RPSA2: variants seen among roughly 807,000 people sequenced by gnomAD.
RPSA2 encodes ribosomal protein SA 2, also known as small ribosomal subunit protein uS2B.
the RPSA2 span, among the ~76,000 whole-genome samples, chr19:23,858,985 A>G: frequency 6.6e-6 from 1 of 152,184 alleles, no homozygotes; most frequent in African/African-American, 2.4e-5. Context: ...ACTCTTTTTC[A>G]GGAGATTCAG....
the RPSA2 span, among the ~76,000 whole-genome samples, chr19:23,816,294 A>G: frequency 6.6e-6 from 1 of 152,050 alleles, no homozygotes; most frequent in Non-Finnish European, 1.5e-5. Flanking sequence ...CATCACGCCT[A>G]GCCAGTTTTT....
the RPSA2 span, among the ~76,000 whole-genome samples, chr19:23,837,668 G>T: frequency 2.0e-5 from 3 of 151,826 alleles, no homozygotes; most frequent in Admixed American, 6.6e-5. Context: ...CCTTCTTTTG[G>T]CTCCTTCATT....
the RPSA2 span, among the ~76,000 whole-genome samples, chr19:23,868,843 C>T: frequency 7.2e-5 from 11 of 152,244 alleles, no homozygotes; most frequent in Middle Eastern, 3.4e-3. Context: ...ACCATGGGCC[C>T]GGTCCCTCTG....
At chr19:23,789,410 T>G in the RPSA2 span, among the ~76,000 whole-genome samples, 1 of 152,208 alleles carries the variant, frequency 6.6e-6, no homozygotes, top group Non-Finnish European at 1.5e-5. Context: ...TCAAAAAAGA[T>G]TGTAACATCT....
At chr19:23,852,345 GACAC>G in the RPSA2 span, among the ~76,000 whole-genome samples, 147,958 of 151,632 alleles carry the variant, frequency 0.98, 72,285 homozygotes, top group Middle Eastern at 1. Flanking sequence ...AGGAATTAAA[GACAC>G]ACACACACAC....
the RPSA2 span, among the ~76,000 whole-genome samples, chr19:23,860,915 T>C: frequency 6.6e-6 from 1 of 152,160 alleles, no homozygotes; most frequent in Non-Finnish European, 1.5e-5. Context: ...GGCACACTTA[T>C]AAAAGAAACT....
the RPSA2 span, among the ~76,000 whole-genome samples, chr19:23,780,044 C>T: frequency 1.3e-5 from 2 of 152,106 alleles, no homozygotes; most frequent in Non-Finnish European, 2.9e-5. Context: ...GCCCAGCTCA[C>T]AGGTCTGATG....
the RPSA2 span, among the ~76,000 whole-genome samples, chr19:23,805,138 C>T: frequency 0.19 from 215 of 1,138 alleles, 2 homozygotes; most frequent in African/African-American, 0.24. Context: ...CACACACACA[C>T]ACACACACAC....
At chr19:23,811,199 T>C in the RPSA2 span, among the ~76,000 whole-genome samples, 1 of 151,998 alleles carries the variant, frequency 6.6e-6, no homozygotes, top group Non-Finnish European at 1.5e-5. Context: ...GTGTTTTTAG[T>C]AGAGATTGGG....
At chr19:23,764,239 C>A in the RPSA2 span, among the ~76,000 whole-genome samples, 1 of 152,014 alleles carries the variant, frequency 6.6e-6, no homozygotes, top group African/African-American at 2.4e-5. Context: ...AGCAGGACTT[C>A]TTCTAATCCA....
the RPSA2 span, among the ~76,000 whole-genome samples, chr19:23,854,156 A>C: frequency 6.6e-6 from 1 of 152,176 alleles, no homozygotes; most frequent in Admixed American, 6.5e-5. Flanking sequence ...CTTGGCAGAC[A>C]CCATAAGTTT....
At chr19:23,758,972 GACTGGATAATGATTAAA>G in the RPSA2 span, 1 of 604,282 alleles carries the variant, frequency 1.7e-6, no homozygotes, top group South Asian at 2.0e-5. Context: ...CAGCGTCCCT[GACTGGATAATGATTAAA>G]ACCCCACCCC....
chr19:23,760,648 CAT>C, the RPSA2 span, among the ~76,000 whole-genome samples: 1,060 of 135,912 alleles, frequency 7.8e-3, 12 homozygotes, highest in African/African-American at 0.018. Context: ...TTTCTTTCAA[CAT>C]ATATATATAT....
At chr19:23,782,326 T>C in the RPSA2 span, 1 of 152,232 alleles carries the variant, frequency 6.6e-6, no homozygotes, top group Non-Finnish European at 1.5e-5. Context: ...TGACTGTCCC[T>C]AACACTAAGG....
the RPSA2 span, chr19:23,831,630 C>G: frequency 5.4e-6 from 1 of 186,650 alleles, no homozygotes; most frequent in Non-Finnish European, 1.3e-5. Context: ...GACCTCTGGC[C>G]AGAGCAGGGC....
chr19:23,789,155 C>T, the RPSA2 span, among the ~76,000 whole-genome samples: 1 of 151,810 alleles, frequency 6.6e-6, no homozygotes, highest in African/African-American at 2.4e-5. Flanking sequence ...CATGCATCAC[C>T]ACACTGGGCT....
chr19:23,865,624 C>T, the RPSA2 span, among the ~76,000 whole-genome samples: 5 of 152,074 alleles, frequency 3.3e-5, no homozygotes, highest in Non-Finnish European at 7.3e-5. Flanking sequence ...GAGAATTGGC[C>T]ATTTGCTAAG....
the RPSA2 span, among the ~76,000 whole-genome samples, chr19:23,759,522 GTTTTTT>G: frequency 1.1e-5 from 1 of 89,034 alleles, no homozygotes; most frequent in African/African-American, 4.4e-5. Flanking sequence ...TATATATCAG[GTTTTTT>G]TTTTTTTTTT....
At chr19:23,862,718 G>C in the RPSA2 span, among the ~76,000 whole-genome samples, 6 of 151,236 alleles carry the variant, frequency 4.0e-5, no homozygotes, top group African/African-American at 9.7e-5. Flanking sequence ...AACCAGCCTT[G>C]AATCCCAGGT....
Sources: gnomAD v4.1 joint callset for allele counts (sites outside exome capture counted in the v4.1 genomes callset) on GRCh38, gnomAD v4.1.1 for gene constraint, MANE v1.5 for transcripts, NCBI Gene and HGNC (gene_info 2026-07-23, HGNC 2026-07-21) for gene names.